KCNB2: variants seen among roughly 807,000 people sequenced by gnomAD.
The protein encoded by KCNB2 is delayed rectifier potassium channel protein.
Under a neutral mutation model 61.5 loss-of-function variants are expected in KCNB2, and 15 were observed. The ratio of observed to expected loss-of-function variants is 0.24; its 90% confidence interval spans 0.16 to 0.38. The LOEUF (loss-of-function observed/expected upper bound fraction) is 0.38. KCNB2 is among the 10% of genes least tolerant of loss of function. KCNB2 has a pLI of 1.00. For synonymous variants in KCNB2, 457 were observed against 446.0 expected (o/e 1.02, Z -0.31); for missense variants, 828 against 1,125.2 (o/e 0.74, Z 3.78).
At chr8:72,829,762 A>G (rs1275791725) in intron 2 of KCNB2, among the ~76,000 whole-genome samples, 2 of 152,148 alleles carry the variant, frequency 1.3e-5, no homozygotes, top group Admixed American at 6.5e-5. Context: ...TGGCTTTGTC[A>G]ACCCTTTTCT....
At chr8:72,660,791 T>G (rs1410546488) in intron 2 of KCNB2, 4 of 152,192 alleles carry the variant, frequency 2.6e-5, no homozygotes, top group Admixed American at 1.3e-4. Flanking sequence ...TCGCCTCTGT[T>G]TTTATGAGTT....
intron 1 of KCNB2, among the ~76,000 whole-genome samples, chr8:72,547,219 A>G (rs1806272011): frequency 6.6e-6 from 1 of 152,194 alleles, no homozygotes; most frequent in South Asian, 2.1e-4. Flanking sequence ...CTGCTTTTTG[A>G]CAATGTTTCC....
chr8:72,582,949 G>A lies in KCNB2; in HGVS notation c.579+14636G>A, dbSNP rs116648105. 8.2e-3 allele frequency among the ~76,000 whole-genome samples: 1,251 copies of A among 152,138 alleles called. 15 individuals carry two copies. The highest frequency in any genetic ancestry group is 0.029 in the African/African-American group (1,194 of 41,490). On this transcript the variant is annotated intron_variant, in intron 2 of 2. Coordinates refer to ENST00000523207, the MANE Select transcript of KCNB2 (RefSeq NM_004770.3). ...AAAAATACATTCTTAATGATGTAAT[G>A]TGAAAAGGGGAAATCAAGAATCTTT...
chr8:72,548,653 G>A (rs1239871075), intron 1 of KCNB2, among the ~76,000 whole-genome samples: 2 of 151,182 alleles, frequency 1.3e-5, no homozygotes, highest in African/African-American at 2.4e-5. Flanking sequence ...AAGTCATTGG[G>A]TTTTTTTTTC....
chr8:72,927,303 CT>C (rs1739157547), intron 2 of KCNB2, among the ~76,000 whole-genome samples: 2 of 150,944 alleles, frequency 1.3e-5, no homozygotes, highest in Admixed American at 6.6e-5. Context: ...TGGAATCTTT[CT>C]GTGTTGCTCA....
intron 2 of KCNB2, among the ~76,000 whole-genome samples, chr8:72,925,884 G>A (rs1585979723): frequency 6.6e-6 from 1 of 152,112 alleles, no homozygotes; most frequent in East Asian, 1.9e-4. Context: ...AGAAAATGTG[G>A]TACATATACA....
rs373250157 is a variant in KCNB2, at chr8:72,919,229, C to A, written c.580-16706C>A. Among the ~76,000 whole-genome samples, 204 of 152,260 alleles carry A rather than the reference C, an allele frequency of 1.3e-3. 1 individual carries two copies. Among genetic ancestry groups the A allele is most frequent in the African/African-American group, 4.5e-3 (188 of 41,560 alleles). On this transcript the variant is annotated intron_variant, in intron 2 of 2. Transcript: ENST00000523207. ...ATATTTAAGCATCTTCAGCACTATA[C>A]GGAGGAACAGCTCCACCTGGTTCGT... is the stretch of plus-strand genomic sequence containing the variant.
intron 2 of KCNB2, among the ~76,000 whole-genome samples, chr8:72,659,794 A>G (rs185461448): frequency 3.9e-5 from 6 of 152,354 alleles, no homozygotes; most frequent in African/African-American, 1.4e-4. Flanking sequence ...TTTTTTCATA[A>G]TAAAGTATTT....
At chr8:72,735,484 A>G (rs1328452588) in intron 2 of KCNB2, among the ~76,000 whole-genome samples, 1 of 152,188 alleles carries the variant, frequency 6.6e-6, no homozygotes, top group East Asian at 1.9e-4. Context: ...AGCTGAGGTG[A>G]TAATGTAACA....
intron 2 of KCNB2, among the ~76,000 whole-genome samples, chr8:72,628,646 G>A (rs542454152): frequency 3.9e-5 from 6 of 152,242 alleles, no homozygotes; most frequent in South Asian, 4.1e-4. Context: ...GAGAACTTAC[G>A]CTGATAAACA....
chr8:72,928,841 T>C (rs1194874908), intron 2 of KCNB2, among the ~76,000 whole-genome samples: 2 of 151,662 alleles, frequency 1.3e-5, no homozygotes, highest in Non-Finnish European at 2.9e-5. Flanking sequence ...GATTCAATTG[T>C]CTAGGTTTGT....
At chr8:72,724,279 T>C (rs1161923962) in intron 2 of KCNB2, among the ~76,000 whole-genome samples, 1 of 152,220 alleles carries the variant, frequency 6.6e-6, no homozygotes, top group Non-Finnish European at 1.5e-5. Context: ...AAATCAATCT[T>C]TAAACAAATT....
chr8:72,926,887 G>C (rs932252329), intron 2 of KCNB2, among the ~76,000 whole-genome samples: 2 of 152,324 alleles, frequency 1.3e-5, no homozygotes, highest in African/African-American at 4.8e-5. Flanking sequence ...ATTACAGTCA[G>C]TAATCTTTGT....
chr8:72,791,955 T>C (rs569909789), intron 2 of KCNB2, among the ~76,000 whole-genome samples: 10 of 152,152 alleles, frequency 6.6e-5, no homozygotes, highest in Non-Finnish European at 1.3e-4. Flanking sequence ...CCAGGCACAA[T>C]CCTACCAGTG....
At chr8:72,656,489 T>G (rs1403386705) in intron 2 of KCNB2, among the ~76,000 whole-genome samples, 1 of 152,152 alleles carries the variant, frequency 6.6e-6, no homozygotes, top group Non-Finnish European at 1.5e-5. Context: ...AGCCAGGAAA[T>G]GCAAAAGCAA....
At chr8:72,614,164 C>A (rs1805582183) in intron 2 of KCNB2, among the ~76,000 whole-genome samples, 1 of 152,228 alleles carries the variant, frequency 6.6e-6, no homozygotes. Flanking sequence ...GATAACATCA[C>A]AACCTCTTCT....
chr8:72,790,348 G>A (rs920051008), intron 2 of KCNB2, among the ~76,000 whole-genome samples: 2 of 152,158 alleles, frequency 1.3e-5, no homozygotes, highest in Non-Finnish European at 2.9e-5. Flanking sequence ...AGACACAGGA[G>A]AGAACCAGGG....
chr8:72,840,937 GT>G (rs1406520902), intron 2 of KCNB2, among the ~76,000 whole-genome samples: 1 of 152,170 alleles, frequency 6.6e-6, no homozygotes, highest in Non-Finnish European at 1.5e-5. Context: ...TTTGGCTTGT[GT>G]TGCCATTGCT....
At chr8:72,682,203 G>C (rs1196112685) in intron 2 of KCNB2, among the ~76,000 whole-genome samples, 1 of 152,194 alleles carries the variant, frequency 6.6e-6, no homozygotes, top group African/African-American at 2.4e-5. Flanking sequence ...CTGTGTTCAG[G>C]TCATGATAAA....
Sources: allele counts gnomAD v4.1 joint callset (sites outside exome capture counted in the v4.1 genomes callset), GRCh38; gene constraint gnomAD v4.1.1; transcripts MANE v1.5; gene names NCBI Gene and HGNC (gene_info 2026-07-23, HGNC 2026-07-21).